Variants in SAMD4A observed in about 807,000 individuals in gnomAD.
SAMD4A encodes sterile alpha motif domain containing 4A.
A neutral mutation model predicts 81.3 loss-of-function variants in SAMD4A; 33 were observed. That is an observed-to-expected ratio of 0.41 (90% CI 0.31 to 0.54). The LOEUF (loss-of-function observed/expected upper bound fraction) is 0.54. Among genes scored for constraint, SAMD4A ranks in the 20% least tolerant of loss-of-function variants. SAMD4A has a pLI of 0.37. For synonymous variants in SAMD4A, 389 were observed against 382.1 expected, an observed-to-expected ratio of 1.02 and a Z score of -0.21; for missense variants, 854 against 951.1, an observed-to-expected ratio of 0.90 and a Z score of 1.34.
intron 12 of SAMD4A, among the ~76,000 whole-genome samples, chr14:54,785,068 G>T (rs1435048720): frequency 2.0e-5 from 3 of 152,234 alleles, no homozygotes; most frequent in African/African-American, 7.2e-5. Context: ...AGCCCAGCTT[G>T]CCTTAGAAAT....
At chr14:54,720,706 A>G (rs548237653) in intron 3 of SAMD4A, among the ~76,000 whole-genome samples, 25 of 152,010 alleles carry the variant, frequency 1.6e-4, no homozygotes, top group African/African-American at 5.8e-4. Context: ...ATTCTAACAA[A>G]CCTATTTTTT....
At chr14:54,766,114 G>A (rs1372840540) in intron 8 of SAMD4A, among the ~76,000 whole-genome samples, 2 of 152,068 alleles carry the variant, frequency 1.3e-5, no homozygotes, top group Non-Finnish European at 2.9e-5. Context: ...CTTCCCTAGA[G>A]CACCCAGGCA....
At chr14:54,737,574 C>T (rs1472742914) in intron 4 of SAMD4A, among the ~76,000 whole-genome samples, 1 of 102,650 alleles carries the variant, frequency 9.7e-6, no homozygotes, top group Non-Finnish European at 1.8e-5. Context: ...ATTGCAGTGA[C>T]TTGTAGACCA....
At chr14:54,607,908 C>G (rs569559932) in intron 2 of SAMD4A, among the ~76,000 whole-genome samples, 1 of 150,080 alleles carries the variant, frequency 6.7e-6, no homozygotes, top group Non-Finnish European at 1.5e-5. Flanking sequence ...CCCCGCTACT[C>G]GGGAGGCTGA....
chr14:54,705,931 A>C (rs1214240779), intron 3 of SAMD4A, among the ~76,000 whole-genome samples: 10 of 152,250 alleles, frequency 6.6e-5, no homozygotes, highest in Admixed American at 6.5e-4. Flanking sequence ...ATAAAAGTGC[A>C]GTAAAATAAT....
chr14:54,737,092 C>G lies in SAMD4A; in HGVS notation c.784C>G (p.Pro262Ala), dbSNP rs752557092. ...SVSLTPPMNV[P>A]NQPLGHGWMS... ...GTCCCTTACCCCACCCATGAATGTG[C>G]CAAACCAGCCTCTAGGACATGGATG... Residue 262 changes from proline to alanine, a missense_variant, in exon 4 of 13, where the codon CCA (proline) becomes GCA (alanine). Around this residue, in one of 3 missense-constraint regions of SAMD4A, gnomAD observed 387 missense variants for 405.8 expected, o/e 0.95. Transcript: ENST00000554335. 6.2e-7 allele frequency: 1 copy of G among 1,614,018 alleles called. No individual in the cohort carries two copies. Among genetic ancestry groups the G allele is most frequent in the South Asian group, 1.1e-5 (1 of 91,066 alleles).
chr14:54,689,211 G>A (rs1469106967), intron 2 of SAMD4A, among the ~76,000 whole-genome samples: 1 of 152,080 alleles, frequency 6.6e-6, no homozygotes, highest in Non-Finnish European at 1.5e-5. Flanking sequence ...GGGATTACAG[G>A]CATGAGCCAC....
At chr14:54,775,726 G>A (rs2038826574) in intron 10 of SAMD4A, among the ~76,000 whole-genome samples, 1 of 152,086 alleles carries the variant, frequency 6.6e-6, no homozygotes, top group Non-Finnish European at 1.5e-5. Flanking sequence ...AAGCTCTGTG[G>A]GTAGGGATTA....
At chr14:54,699,396 C>T (rs2036656088) in intron 2 of SAMD4A, among the ~76,000 whole-genome samples, 1 of 152,102 alleles carries the variant, frequency 6.6e-6, no homozygotes, top group Admixed American at 6.5e-5. Flanking sequence ...TTGCTGAGGT[C>T]ATCTGTGCCC....
chr14:54,748,972 C>A (rs1418888969), intron 5 of SAMD4A, 48 bp downstream of exon 5: 1 of 1,375,696 alleles, frequency 7.3e-7, no homozygotes, highest in South Asian at 1.2e-5. Flanking sequence ...CCAGGCAGGA[C>A]CTGAAGTTCA....
At chr14:54,719,913 A>G (rs1018574125) in intron 3 of SAMD4A, among the ~76,000 whole-genome samples, 1 of 152,138 alleles carries the variant, frequency 6.6e-6, no homozygotes, top group African/African-American at 2.4e-5. Flanking sequence ...AGTCTAAAAT[A>G]TTTGCTTCTG....
intron 2 of SAMD4A, among the ~76,000 whole-genome samples, chr14:54,666,791 A>G (rs1057248478): frequency 6.6e-6 from 1 of 152,188 alleles, no homozygotes; most frequent in Admixed American, 6.5e-5. Context: ...TTTGATTACC[A>G]TAAGCCTATA....
rs368546367 is a variant in SAMD4A, at chr14:54,702,554, A to G, written c.689A>G (p.Asn230Ser). 14 of 1,614,072 alleles carry G rather than the reference A, an allele frequency of 8.7e-6. No individual in the cohort carries two copies. Among genetic ancestry groups the G allele is most frequent in the Non-Finnish European group, 1.1e-5 (13 of 1,179,976 alleles). ...TCCTCATCTGTCCCCACCACAATCA[A>G]TACGATTGGAACCAGCACAAGTACA... ...YSSSSVPTTI[N>S]TIGTSTSTIL... The change falls in exon 3 of 13, where the codon AAT becomes AGT. Residue 230 changes from asparagine (N) to serine (S), a missense_variant. Coordinates refer to ENST00000554335, the MANE Select transcript of SAMD4A (RefSeq NM_015589.6).
At chr14:54,773,196 G>GAGAA (rs900940147) in intron 9 of SAMD4A, among the ~76,000 whole-genome samples, 1 of 151,986 alleles carries the variant, frequency 6.6e-6, no homozygotes, top group Non-Finnish European at 1.5e-5. Flanking sequence ...GAATTCTGGG[G>GAGAA]AGAAGAGAAA....
At chr14:54,694,706 C>T (rs1010191282) in intron 2 of SAMD4A, 2 of 985,310 alleles carry the variant, frequency 2.0e-6, no homozygotes, top group Non-Finnish European at 2.4e-6. Context: ...AGCCTCAGAC[C>T]TCCTGACTGG....
intron 2 of SAMD4A, among the ~76,000 whole-genome samples, chr14:54,629,926 C>T (rs72711701): frequency 6.6e-6 from 1 of 152,176 alleles, no homozygotes. Flanking sequence ...TGGAATCATA[C>T]AGGACTTATC....
intron 2 of SAMD4A, among the ~76,000 whole-genome samples, chr14:54,686,686 C>T (rs1454117920): frequency 2.6e-5 from 4 of 151,958 alleles, no homozygotes; most frequent in African/African-American, 4.8e-5. Flanking sequence ...AGGGAGGGAC[C>T]GAAGCCAAGT....
At chr14:54,673,999 G>A (rs2035939180) in intron 2 of SAMD4A, among the ~76,000 whole-genome samples, 1 of 152,158 alleles carries the variant, frequency 6.6e-6, no homozygotes, top group Non-Finnish European at 1.5e-5. Context: ...CCACGCTTAG[G>A]GCACATAGAA....
intron 2 of SAMD4A, among the ~76,000 whole-genome samples, chr14:54,607,744 G>A (rs564234023): frequency 2.6e-5 from 4 of 152,094 alleles, no homozygotes; most frequent in South Asian, 2.1e-4. Flanking sequence ...GTGAGCCACC[G>A]CGCCCGGCCT....
Sources: allele counts gnomAD v4.1 joint callset (sites outside exome capture counted in the v4.1 genomes callset), GRCh38; gene constraint gnomAD v4.1.1; regional missense constraint gnomAD v4.1.1; transcripts MANE v1.5; gene names NCBI Gene and HGNC (gene_info 2026-07-23, HGNC 2026-07-21).